Variants in CLHC1 observed in about 807,000 individuals in gnomAD.
The protein encoded by CLHC1 is clathrin heavy chain linker domain-containing protein 1.
A neutral mutation model predicts 69.5 loss-of-function variants in CLHC1; 72 were observed. That is an observed-to-expected ratio of 1.04 (90% CI 0.86 to 1.26). The LOEUF (loss-of-function observed/expected upper bound fraction) is 1.26. Among genes scored for constraint, CLHC1 ranks in the 50% most tolerant of loss-of-function variants. The probability of loss-of-function intolerance (pLI) is 0.00; values close to 1 mark genes in which losing one functional copy is unlikely to be tolerated. For synonymous variants in CLHC1, 223 were observed against 224.3 expected (o/e 0.99, Z 0.05); for missense variants, 790 against 679.3 (o/e 1.16, Z -1.81).
intron 2 of CLHC1, among the ~76,000 whole-genome samples, chr2:55,227,301 A>C (rs1674797028): frequency 6.6e-6 from 1 of 152,142 alleles, no homozygotes; most frequent in African/African-American, 2.4e-5. Context: ...ACAGCTAGGA[A>C]TTCGGCAATA....
chr2:55,177,794 A>T lies in CLHC1; in HGVS notation c.1385-13T>A, dbSNP rs763541968. 6.3e-7 allele frequency: 1 copy of T among 1,592,600 alleles called. No homozygotes were observed. Among genetic ancestry groups the T allele is most frequent in the Non-Finnish European group, 8.6e-7 (1 of 1,169,132 alleles). ...TGCAACAGGTCATCTGAAGGCAAAA[A>T]TGAAAAAGTTTATCTCAATGTCCTA... On this transcript the variant is annotated splice_polypyrimidine_tract_variant and intron_variant, in intron 11 of 12. Coordinates refer to ENST00000401408, the MANE Select transcript of CLHC1 (RefSeq NM_152385.4).
chr2:55,221,346 G>A (rs1185601476), intron 3 of CLHC1, among the ~76,000 whole-genome samples: 4 of 152,118 alleles, frequency 2.6e-5, no homozygotes, highest in Non-Finnish European at 5.9e-5. Context: ...AGGATAATAG[G>A]TATTTCTAAA....
At chr2:55,179,703 T>C (rs1441807784) in intron 11 of CLHC1, among the ~76,000 whole-genome samples, 1 of 152,156 alleles carries the variant, frequency 6.6e-6, no homozygotes. Context: ...AGATCCAGAA[T>C]AAGAGCTCTG....
intron 9 of CLHC1, among the ~76,000 whole-genome samples, chr2:55,196,965 A>C (rs1009870584): frequency 6.6e-6 from 1 of 152,184 alleles, no homozygotes; most frequent in African/African-American, 2.4e-5. Flanking sequence ...AGGGGAGCCC[A>C]CTGCCCTGAG....
chr2:55,195,928 A>G (rs866749068), intron 9 of CLHC1, among the ~76,000 whole-genome samples: 1 of 152,358 alleles, frequency 6.6e-6, no homozygotes, highest in Middle Eastern at 3.4e-3. Context: ...TTACTGAAAG[A>G]GGCACTGAAG....
intron 9 of CLHC1, among the ~76,000 whole-genome samples, chr2:55,202,070 A>G (rs559553625): frequency 6.6e-6 from 1 of 152,300 alleles, no homozygotes; most frequent in African/African-American, 2.4e-5. Context: ...GAATGGGAGG[A>G]AACTGAAAGC....
intron 9 of CLHC1, among the ~76,000 whole-genome samples, chr2:55,196,437 C>T (rs976928728): frequency 2.6e-5 from 4 of 152,172 alleles, no homozygotes; most frequent in African/African-American, 4.8e-5. Flanking sequence ...TCCTTCCTTC[C>T]ACTTGAGGAG....
Position 55,176,006 on chromosome 2 carries a change from T to A in CLHC1, c.1565-20A>T. ...CTGCATCTGTGGGGAAAAAATACAA[T>A]ATTATAGTATGGCACTTATTTGATA... On this transcript the variant is annotated intron_variant, in intron 12 of 12. Transcript: ENST00000401408. The A allele has an allele frequency of 1.3e-6, 2 of 1,573,140 alleles. No homozygotes were observed. The highest frequency in any genetic ancestry group is 2.2e-5 in the South Asian group (2 of 89,922).
At chr2:55,223,452 C>G (rs901963519) in intron 2 of CLHC1, among the ~76,000 whole-genome samples, 11 of 152,082 alleles carry the variant, frequency 7.2e-5, no homozygotes, top group Admixed American at 6.5e-5. Flanking sequence ...GCGCTGTGGG[C>G]CGGCCCCGCG....
rs112771555 is a variant in CLHC1 at position 55,231,747 on chromosome 2, C to A, written c.-256+476G>T. Among the ~76,000 whole-genome samples, 295 of 152,304 alleles carry A rather than the reference C, an allele frequency of 1.9e-3. 2 individuals are homozygous for A. Among genetic ancestry groups the A allele is most frequent in the African/African-American group, 6.8e-3 (282 of 41,566 alleles). On this transcript the variant is annotated intron_variant, in intron 1 of 12. Coordinates refer to ENST00000401408, the MANE Select transcript of CLHC1 (RefSeq NM_152385.4). ...CACCCCATACATACTCCAAAAACTT[C>A]CTCTCAGATCCAAGACTCCCAATGC... is the stretch of plus-strand genomic sequence containing the variant.
At chr2:55,213,935 G>T (rs1240733374) in intron 4 of CLHC1, among the ~76,000 whole-genome samples, 1 of 152,154 alleles carries the variant, frequency 6.6e-6, no homozygotes, top group Non-Finnish European at 1.5e-5. Context: ...CAGATGTGAG[G>T]AGAGATTCTG....
In CLHC1 at chr2:55,209,701, T is replaced by G; in HGVS notation, c.630A>C (p.Leu210Phe). 1.9e-6 allele frequency: 3 copies of G among 1,614,092 alleles called. No homozygotes were observed. The highest frequency in any genetic ancestry group is 1.7e-6 in the Non-Finnish European group (2 of 1,179,982). Residue 210 changes from leucine to phenylalanine, a missense_variant, in exon 6 of 13, where the codon TTA becomes TTC. By Grantham distance (22) the Leu-to-Phe change is conservative. Transcript: ENST00000401408. ...TTAATAACACAATCATTTCTTCATC[T>G]AAATCAGCCTTCCTCTGAGCTGGCA... is the stretch of plus-strand genomic sequence containing the variant. ...KYVPAQRKAD[L>F]DEEMIVLLKR...
At chr2:55,196,562 C>T (rs184900292) in intron 9 of CLHC1, among the ~76,000 whole-genome samples, 40 of 152,210 alleles carry the variant, frequency 2.6e-4, no homozygotes, top group Admixed American at 1.3e-3. Flanking sequence ...CCCCAAACTC[C>T]GGGACAACAT....
At chr2:55,196,920 T>C (rs954575723) in intron 9 of CLHC1, among the ~76,000 whole-genome samples, 2 of 152,154 alleles carry the variant, frequency 1.3e-5, no homozygotes, top group African/African-American at 4.8e-5. Context: ...AGCACTTCGT[T>C]CTTGGATGGC....
At chr2:55,204,198 C>T (rs1672223933) in intron 9 of CLHC1, among the ~76,000 whole-genome samples, 1 of 152,130 alleles carries the variant, frequency 6.6e-6, no homozygotes, top group Non-Finnish European at 1.5e-5. Context: ...GTAGGAGAAT[C>T]ACTTGGACCT....
intron 3 of CLHC1, among the ~76,000 whole-genome samples, chr2:55,221,154 C>T: frequency 6.6e-6 from 1 of 152,038 alleles, no homozygotes; most frequent in Non-Finnish European, 1.5e-5. Context: ...TTCTATTTTG[C>T]CTGTGACTGT....
intron 9 of CLHC1, among the ~76,000 whole-genome samples, chr2:55,187,953 T>C (rs1002533171): frequency 6.6e-6 from 1 of 152,084 alleles, no homozygotes. Context: ...GAGAAAAATA[T>C]AGACAATCCA....
chr2:55,198,895 A>G (rs114344436), intron 9 of CLHC1, among the ~76,000 whole-genome samples: 2,318 of 152,286 alleles, frequency 0.015, 57 homozygotes, highest in African/African-American at 0.053. Flanking sequence ...CATTTACCCT[A>G]GAATAATATA....
At chr2:55,219,983 A>T (rs1246971965) in intron 3 of CLHC1, among the ~76,000 whole-genome samples, 1 of 152,110 alleles carries the variant, frequency 6.6e-6, no homozygotes, top group Non-Finnish European at 1.5e-5. Flanking sequence ...CGATGCTCCT[A>T]CCAATCCTCC....
Sources: allele counts gnomAD v4.1 joint callset (sites outside exome capture counted in the v4.1 genomes callset), GRCh38; gene constraint gnomAD v4.1.1; transcripts MANE v1.5; gene names NCBI Gene and HGNC (gene_info 2026-07-23, HGNC 2026-07-21).